The following USP12 variants were observed in gnomAD, a reference collection of about 807,000 sequenced individuals.
USP12 encodes ubiquitin carboxyl-terminal hydrolase 12.
In USP12, 19 loss-of-function variants were observed where a neutral mutation model predicts 45.5. The ratio of observed to expected loss-of-function variants is 0.42; its 90% CI spans 0.29 to 0.61. The LOEUF is 0.61. Ranked by LOEUF, USP12 falls within the 20% of genes least tolerant of loss-of-function variation. The probability of loss-of-function intolerance (pLI) is 0.22; values close to 1 mark genes in which losing one functional copy is unlikely to be tolerated. For missense variants in USP12, 242 were observed against 447.7 expected (o/e 0.54, Z 4.15); for synonymous variants, 149 against 148.8 (o/e 1.00, Z -0.01).
At chr13:27,095,856 G>T in intron 3 of USP12, 26 bp from the exon 4 acceptor site, 1 of 1,506,240 alleles carries the variant, frequency 6.6e-7, no homozygotes, top group South Asian at 1.4e-5. Flanking sequence ...TTATATTAGA[G>T]AATTATTTCA....
chr13:27,077,103 A>G (rs1208221474), intron 6 of USP12: 1 of 152,226 alleles, frequency 6.6e-6, no homozygotes, highest in Non-Finnish European at 1.5e-5. Flanking sequence ...AACATAACCG[A>G]GTGTTGTACA....
intron 2 of USP12, among the ~76,000 whole-genome samples, chr13:27,109,998 T>C (rs1875353578): frequency 6.6e-6 from 1 of 151,580 alleles, no homozygotes; most frequent in Non-Finnish European, 1.5e-5. Flanking sequence ...TAAGAAATTG[T>C]TGACTTTGTT....
intron 6 of USP12, among the ~76,000 whole-genome samples, chr13:27,080,693 C>G (rs889560516): frequency 1.3e-5 from 2 of 152,154 alleles, no homozygotes; most frequent in African/African-American, 4.8e-5. Context: ...GGACACGCAG[C>G]AAGTTCAGTT....
At chr13:27,153,515 C>T (rs527799160) in intron 1 of USP12, among the ~76,000 whole-genome samples, 1 of 152,142 alleles carries the variant, frequency 6.6e-6, no homozygotes, top group South Asian at 2.1e-4. Flanking sequence ...AGAGTGGAAA[C>T]GTCACTTCCA....
intron 2 of USP12, among the ~76,000 whole-genome samples, chr13:27,113,703 C>T (rs1762079): frequency 0.98 from 149,615 of 152,326 alleles, 73,529 homozygotes; most frequent in East Asian, 1. Context: ...TAAAACAGGG[C>T]TGGACGCTTG....
intron 1 of USP12, among the ~76,000 whole-genome samples, chr13:27,132,456 C>A (rs927137633): frequency 1.1e-4 from 16 of 152,036 alleles, no homozygotes; most frequent in African/African-American, 2.9e-4. Context: ...AAAGAAAAAG[C>A]AAAGGAACAG....
chr13:27,151,094 C>T (rs1877547469), intron 1 of USP12, among the ~76,000 whole-genome samples: 1 of 152,020 alleles, frequency 6.6e-6, no homozygotes, highest in Non-Finnish European at 1.5e-5. Context: ...TTTGGGAGGC[C>T]GAGGTGGGCA....
intron 4 of USP12, among the ~76,000 whole-genome samples, chr13:27,095,335 A>G (rs1041569091): frequency 1.3e-5 from 2 of 152,146 alleles, no homozygotes; most frequent in Non-Finnish European, 2.9e-5. Flanking sequence ...TTTCCACAAC[A>G]TGGTTCTATG....
Position 27,066,350 on chromosome 13 carries a change from A to T in USP12, c.*2933T>A, listed in dbSNP as rs1388167729. 6.6e-6 allele frequency: 1 copy of T among 152,322 alleles called. No homozygotes were observed. The highest frequency in any genetic ancestry group is 1.5e-5 in the Non-Finnish European group (1 of 68,116). The allele number at this position is 152,322 out of a possible 1,614,324, so 9.4% of individuals were successfully genotyped here. On this transcript the variant is annotated 3_prime_UTR_variant, in exon 9 of 9. Coordinates refer to ENST00000282344, the MANE Select transcript of USP12 (RefSeq NM_182488.4). ...GTGACTTGCCCAAGGTCACACAGTTAAATTCACTGAAGAGCCAGGACATGA... is the reference window on the plus strand; with the variant it reads ...GTGACTTGCCCAAGGTCACACAGTTTAATTCACTGAAGAGCCAGGACATGA...
chr13:27,085,015 G>A (rs1873946812), intron 6 of USP12, among the ~76,000 whole-genome samples: 1 of 152,072 alleles, frequency 6.6e-6, no homozygotes, highest in Non-Finnish European at 1.5e-5. Flanking sequence ...TTCCATCCAT[G>A]AATACAGGAT....
At chr13:27,070,647 G>A (rs1034999675) in intron 8 of USP12, among the ~76,000 whole-genome samples, 5 of 151,410 alleles carry the variant, frequency 3.3e-5, no homozygotes, top group Admixed American at 1.3e-4. Context: ...TCCGCCTCCC[G>A]GGTTCAAGCG....
At chr13:27,168,130 C>T (rs144284276) in intron 1 of USP12, among the ~76,000 whole-genome samples, 10 of 152,260 alleles carry the variant, frequency 6.6e-5, no homozygotes, top group Non-Finnish European at 1.3e-4. Flanking sequence ...CTACCTTTAC[C>T]AGCTTTGGCC....
At chr13:27,152,553 T>C (rs531845514) in intron 1 of USP12, among the ~76,000 whole-genome samples, 2 of 152,260 alleles carry the variant, frequency 1.3e-5, no homozygotes, top group East Asian at 3.9e-4. Flanking sequence ...CTGACTGTGG[T>C]GATAAATGCA....
chr13:27,074,158 T>C (rs995745179), intron 7 of USP12, among the ~76,000 whole-genome samples: 2 of 152,118 alleles, frequency 1.3e-5, no homozygotes, highest in African/African-American at 2.4e-5. Flanking sequence ...CCCAGCACTT[T>C]GGGAGGCCGA....
At chr13:27,105,704 C>A (rs773938163) in intron 3 of USP12, 27 bp downstream of exon 3, 49 of 1,598,642 alleles carry the variant, frequency 3.1e-5, no homozygotes, top group Non-Finnish European at 4.2e-5. Flanking sequence ...CCTAGTATGT[C>A]ATTAATACAG....
At chr13:27,072,188 A>C (rs1395685440) in intron 7 of USP12, among the ~76,000 whole-genome samples, 2 of 151,978 alleles carry the variant, frequency 1.3e-5, no homozygotes, top group Admixed American at 1.3e-4. Flanking sequence ...TTCTGTATTT[A>C]TTTAGGCTCA....
chr13:27,126,088 G>T (rs1011175154), intron 1 of USP12, among the ~76,000 whole-genome samples: 1 of 152,224 alleles, frequency 6.6e-6, no homozygotes, highest in African/African-American at 2.4e-5. Flanking sequence ...AGACGTAAAC[G>T]TCCCTGCCTG....
At chr13:27,136,422 G>A (rs1390762128) in intron 1 of USP12, among the ~76,000 whole-genome samples, 5 of 152,010 alleles carry the variant, frequency 3.3e-5, no homozygotes, top group Non-Finnish European at 5.9e-5. Flanking sequence ...CGCTTGAACC[G>A]GGGAGGCGGA....
At chr13:27,075,095 A>G (rs1411971137) in intron 7 of USP12, 96 bp downstream of exon 7, 3 of 1,165,356 alleles carry the variant, frequency 2.6e-6, no homozygotes, top group Non-Finnish European at 3.5e-6. Context: ...CAGAATTTCT[A>G]AAAGTTCTAT....
Sources: gnomAD v4.1 joint callset for allele counts (sites outside exome capture counted in the v4.1 genomes callset) on GRCh38, gnomAD v4.1.1 for gene constraint, MANE v1.5 for transcripts, NCBI Gene and HGNC (gene_info 2026-07-23, HGNC 2026-07-21) for gene names.